The following SHB variants were observed in gnomAD, a reference collection of about 807,000 sequenced individuals.
SHB encodes the protein SH2 domain containing adaptor protein B.
SHB carries 20 observed loss-of-function variants against 52.3 expected under a neutral mutation model. That is an observed-to-expected ratio of 0.38 (90% CI 0.27 to 0.56). SHB has a LOEUF of 0.56. SHB is among the 20% of genes least tolerant of loss of function. SHB has a pLI of 0.71. For synonymous variants in SHB, 397 were observed against 316.5 expected, an observed-to-expected ratio of 1.25 and a Z score of -2.70; for missense variants, 825 against 723.3, an observed-to-expected ratio of 1.14 and a Z score of -1.61.
intron 2 of SHB, among the ~76,000 whole-genome samples, chr9:37,995,713 G>T (rs1007532166): frequency 3.3e-5 from 5 of 152,212 alleles, no homozygotes; most frequent in Admixed American, 6.5e-5. Context: ...GAGACCAAGG[G>T]TGCTCGACAA....
chr9:37,985,366 G>A lies in SHB; in HGVS notation c.839-10529C>T, dbSNP rs78251801. On this transcript the variant is annotated intron_variant, in intron 2 of 5. Coordinates refer to ENST00000377707, the MANE Select transcript of SHB (RefSeq NM_003028.3). ...AGACAAAGCCTGCAAACCTGATGACGACCAATTGCTTTCATTGTGAGTAAA... is the reference window on the plus strand; with the variant it reads ...AGACAAAGCCTGCAAACCTGATGACAACCAATTGCTTTCATTGTGAGTAAA... Among the ~76,000 whole-genome samples the A allele has an allele frequency of 7.9e-5, 12 of 152,354 alleles. No homozygotes were observed. The East Asian group carries it at 1.7e-3, about 22-fold the overall frequency.
At position 37,948,696 on chromosome 9, in the gene SHB, C is replaced by A; in HGVS notation, c.1285G>T (p.Glu429Ter). Residue 429 changes from glutamate (E) to a stop codon, truncating the protein, a stop_gained, in exon 5 of 6, where the codon GAG becomes TAG. Coordinates refer to ENST00000377707, the MANE Select transcript of SHB (RefSeq NM_003028.3). LOFTEE classifies it high-confidence loss of function. ...DAENLLRLCK[E>*]CSYLVRNSQT... Reference sequence around the variant, plus strand: ...CTGTTCCGGACAAGGTAGCTACACTCCTTGCAGAGTCGCAGCAGGTTCTCG... The same window carrying A: ...CTGTTCCGGACAAGGTAGCTACACTACTTGCAGAGTCGCAGCAGGTTCTCG... 6.2e-7 allele frequency: 1 copy of A among 1,614,004 alleles called. No homozygotes were observed. The highest frequency in any genetic ancestry group is 8.5e-7 in the Non-Finnish European group (1 of 1,180,018).
chr9:37,985,284 G>A (rs867030067), intron 2 of SHB, among the ~76,000 whole-genome samples: 3 of 152,256 alleles, frequency 2.0e-5, no homozygotes, highest in Admixed American at 6.5e-5. Flanking sequence ...TCCCTTGGTT[G>A]TCTGTACAAG....
chr9:38,066,062 C>T (rs1014556931), intron 1 of SHB, among the ~76,000 whole-genome samples: 2 of 152,186 alleles, frequency 1.3e-5, no homozygotes, highest in Admixed American at 6.5e-5. Flanking sequence ...TCATAGCATT[C>T]GCTGCAGAGG....
intron 1 of SHB, among the ~76,000 whole-genome samples, chr9:38,022,592 G>A (rs185674592): frequency 8.1e-4 from 124 of 152,302 alleles, no homozygotes; most frequent in African/African-American, 2.8e-3. Flanking sequence ...TCCCCGCTCC[G>A]AGGCCTGAAG....
At chr9:37,992,673 A>G (rs1372663951) in intron 2 of SHB, among the ~76,000 whole-genome samples, 1 of 152,156 alleles carries the variant, frequency 6.6e-6, no homozygotes, top group Non-Finnish European at 1.5e-5. Context: ...GTTTCCTAAC[A>G]TTTTAGACTG....
At chr9:38,067,877 C>T in intron 1 of SHB, 52 bp downstream of exon 1, 1 of 1,408,900 alleles carries the variant, frequency 7.1e-7, no homozygotes, top group Non-Finnish European at 9.2e-7. Context: ...CTCGGTTTCC[C>T]CGTGCGCACC....
chr9:38,015,382 ATTC>A (rs1319889315), intron 2 of SHB: 3 of 702,534 alleles, frequency 4.3e-6, no homozygotes, highest in Non-Finnish European at 5.2e-6. Context: ...ACCCAGCCAC[ATTC>A]TTCTTGACTC....
chr9:38,038,204 A>G (rs1725889871), intron 1 of SHB, among the ~76,000 whole-genome samples: 2 of 152,018 alleles, frequency 1.3e-5, no homozygotes. Context: ...AGCACACAAC[A>G]GGCTGGGCGC....
chr9:37,978,743 G>T (rs1230885068), intron 2 of SHB, among the ~76,000 whole-genome samples: 1 of 152,172 alleles, frequency 6.6e-6, no homozygotes, highest in Non-Finnish European at 1.5e-5. Context: ...ACAACACCAA[G>T]AGCTGAAAAA....
intron 1 of SHB, among the ~76,000 whole-genome samples, chr9:38,057,598 A>G (rs1821838052): frequency 6.6e-6 from 1 of 152,248 alleles, no homozygotes; most frequent in Non-Finnish European, 1.5e-5. Context: ...CATTCCGCAA[A>G]TGCCATGCAG....
At chr9:38,061,721 G>A (rs1821895625) in intron 1 of SHB, among the ~76,000 whole-genome samples, 3 of 152,296 alleles carry the variant, frequency 2.0e-5, no homozygotes, top group East Asian at 1.9e-4. Context: ...GATTAGAGAG[G>A]ACAGTCACCT....
intron 5 of SHB, among the ~76,000 whole-genome samples, chr9:37,933,589 C>CAAGCA: frequency 6.6e-6 from 1 of 152,308 alleles, no homozygotes; most frequent in Admixed American, 6.5e-5. Context: ...GATCTCTTTG[C>CAAGCA]AAGCAAAATC....
intron 1 of SHB, among the ~76,000 whole-genome samples, chr9:38,032,157 AG>A (rs2118116866): frequency 6.6e-6 from 1 of 152,280 alleles, no homozygotes; most frequent in South Asian, 2.1e-4. Context: ...ATGCTTACAG[AG>A]GGGGCACCGC....
chr9:38,065,592 T>G (rs1218216467), intron 1 of SHB, among the ~76,000 whole-genome samples: 3 of 152,176 alleles, frequency 2.0e-5, no homozygotes, highest in African/African-American at 7.2e-5. Flanking sequence ...TATAACGTCC[T>G]GCTGAGCCTC....
chr9:37,932,099 C>A (rs191647033), intron 5 of SHB, among the ~76,000 whole-genome samples: 149 of 151,664 alleles, frequency 9.8e-4, no homozygotes, highest in African/African-American at 3.0e-3. Flanking sequence ...CTGGTCAACA[C>A]GATGAAACCC....
chr9:38,068,563 C>T lies in SHB; in HGVS notation c.83G>A (p.Arg28His), dbSNP rs757567551. 6.8e-7 allele frequency: 1 copy of T among 1,476,134 alleles called. No individual in the cohort carries two copies. Among genetic ancestry groups the T allele is most frequent in the Non-Finnish European group, 8.9e-7 (1 of 1,125,050 alleles). 91.4% of individuals were successfully genotyped at this position (1,476,134 alleles called of 1,614,324 possible). A position where few individuals can be genotyped will look rare whatever the true frequency, so the allele number is the denominator to read the frequency against. Residue 28 changes from arginine (R) to histidine (H), a missense_variant, in exon 1 of 6, where the codon CGC becomes CAC. Arg to His is a conservative substitution (Grantham distance 29). Transcript: ENST00000377707. The part of the protein sequence containing the change: ...SPPQPPRPDY[R>H]EQRRRGERPS... ...CCGCTCGCCTCGGCGCCGCTGCTCG[C>T]GGTAGTCTGGCCGCGGCGGCTGCGG...
At chr9:37,977,365 C>A (rs1443497859) in intron 2 of SHB, among the ~76,000 whole-genome samples, 1 of 152,046 alleles carries the variant, frequency 6.6e-6, no homozygotes, top group Non-Finnish European at 1.5e-5. Flanking sequence ...CTTTCTCTGG[C>A]AAATATGAAT....
chr9:37,957,460 A>G (rs919758957), intron 3 of SHB, among the ~76,000 whole-genome samples: 7 of 152,130 alleles, frequency 4.6e-5, no homozygotes, highest in Non-Finnish European at 1.0e-4. Context: ...TGTCCCTCTA[A>G]GACACTCTTT....
Sources: allele counts gnomAD v4.1 joint callset (sites outside exome capture counted in the v4.1 genomes callset), GRCh38; gene constraint gnomAD v4.1.1; transcripts MANE v1.5; gene names NCBI Gene and HGNC (gene_info 2026-07-23, HGNC 2026-07-21).